The following LRP5 variants were observed in gnomAD, a reference collection of about 807,000 sequenced individuals.
LRP5 encodes the protein low-density lipoprotein receptor-related protein 5.
LRP5 carries 62 observed loss-of-function variants against 154.1 expected under a neutral mutation model. The ratio of observed to expected loss-of-function variants is 0.40; its 90% confidence interval spans 0.33 to 0.50. The LOEUF is 0.50. Among genes scored for constraint, LRP5 ranks in the 20% least tolerant of loss-of-function variants. LRP5 has a pLI of 0.55. For synonymous variants in LRP5, 966 were observed against 1,011.5 expected (o/e 0.96, Z 0.85); for missense variants, 1,915 against 2,336.7 (o/e 0.82, Z 3.72).
At chr11:68,409,585 G>A (rs558267414) in intron 9 of LRP5, among the ~76,000 whole-genome samples, 3 of 151,898 alleles carry the variant, frequency 2.0e-5, no homozygotes, top group Admixed American at 2.0e-4. Context: ...GGTGGCTCAC[G>A]CCTGTAATCT....
intron 20 of LRP5, 151 bp from the exon 21 acceptor site, chr11:68,439,626 C>T (rs915440353): frequency 9.1e-5 from 74 of 809,610 alleles, no homozygotes; most frequent in Admixed American, 1.2e-4. Context: ...GAGAGGCCTG[C>T]GGCTCAGGGA....
chr11:68,383,534 T>C (rs1251375909), intron 5 of LRP5, among the ~76,000 whole-genome samples: 1 of 152,210 alleles, frequency 6.6e-6, no homozygotes, highest in Non-Finnish European at 1.5e-5. Context: ...GGCTGATTAT[T>C]CACTGGATGA....
Position 68,348,003 on chromosome 11 carries a change from G to A in LRP5, c.248G>A (p.Ser83Asn). 1.2e-6 allele frequency: 2 copies of A among 1,614,182 alleles called. No individual in the cohort carries two copies. The highest frequency in any genetic ancestry group is 1.1e-5 in the South Asian group (1 of 91,086). ...GGAGCCGTGTACTGGACAGACGTGAGCGAGGAGGCCATCAAGCAGACCTAC... is the reference window on the plus strand; with the variant it reads ...GGAGCCGTGTACTGGACAGACGTGAACGAGGAGGCCATCAAGCAGACCTAC... Reference protein sequence around the residue: ...SKGAVYWTDVSEEAIKQTYLN... With the variant: ...SKGAVYWTDVNEEAIKQTYLN... The change falls in exon 2 of 23, where the codon AGC (serine) becomes AAC (asparagine). Residue 83 changes from serine (S) to asparagine (N), a missense_variant. Physicochemically the swap from Ser to Asn is conservative, Grantham distance 46 (BLOSUM62 1). Around this residue, in one of 3 missense-constraint regions of LRP5, gnomAD observed 773 missense variants for 1,100.9 expected, o/e 0.70. Transcript: ENST00000294304.
chr11:68,395,426 C>T (rs1197904153), intron 7 of LRP5, among the ~76,000 whole-genome samples: 2 of 151,868 alleles, frequency 1.3e-5, no homozygotes, highest in East Asian at 1.9e-4. Context: ...CATTACCTGA[C>T]GATTTGGAGC....
At chr11:68,305,012 G>T in the LRP5 span, among the ~76,000 whole-genome samples, 26 of 152,114 alleles carry the variant, frequency 1.7e-4, no homozygotes, top group Non-Finnish European at 3.1e-4. Flanking sequence ...GGGCTACTGG[G>T]AAGGCATGAC....
chr11:68,402,408 GCTA>G (rs1460975536), intron 7 of LRP5, among the ~76,000 whole-genome samples: 35 of 152,272 alleles, frequency 2.3e-4, no homozygotes, highest in Non-Finnish European at 4.3e-4. Flanking sequence ...ATATTTAGCT[GCTA>G]CATCTCAGAG....
chr11:68,365,542 C>T (rs1565348523), intron 4 of LRP5, 29 bp from the exon 5 acceptor site: 1 of 1,613,552 alleles, frequency 6.2e-7, no homozygotes, highest in African/African-American at 1.3e-5. Context: ...CTTCTGGAAC[C>T]TTCTCTCACT....
At chr11:68,369,235 G>T (rs1015424017) in intron 5 of LRP5, among the ~76,000 whole-genome samples, 1 of 152,170 alleles carries the variant, frequency 6.6e-6, no homozygotes, top group Admixed American at 6.5e-5. Flanking sequence ...TCTGAGTCTT[G>T]CTGCTGTGGG....
At chr11:68,360,427 G>T (rs2098626859) in intron 3 of LRP5, among the ~76,000 whole-genome samples, 1 of 152,226 alleles carries the variant, frequency 6.6e-6, no homozygotes, top group East Asian at 1.9e-4. Context: ...TCCAGGTCTG[G>T]TCTGTTCTCA....
intron 5 of LRP5, among the ~76,000 whole-genome samples, chr11:68,373,389 C>CG (rs138313299): frequency 0.17 from 26,029 of 151,592 alleles, 2,333 homozygotes; most frequent in Non-Finnish European, 0.19. Context: ...GCGTTGGTGG[C>CG]GGGGGGGGCC....
At position 68,359,854 on chromosome 11, in the gene LRP5, T is replaced by C. The variant is rs577793644; in HGVS notation, c.686+2007T>C. Among the ~76,000 whole-genome samples the C allele has an allele frequency of 5.9e-5, 9 of 151,792 alleles. No individual in the cohort carries two copies. In the South Asian group the frequency reaches 1.9e-3, roughly 32 times the overall value. ...CTGGCTGGAGTGCAGCGGCACCATC[T>C]TGGCTAACTACAACCTCCACCTCCC... On this transcript the variant is annotated intron_variant, in intron 3 of 22. Transcript: ENST00000294304.
chr11:68,316,367 G>A (rs2098593396), intron 1 of LRP5, among the ~76,000 whole-genome samples: 1 of 152,240 alleles, frequency 6.6e-6, no homozygotes, highest in Non-Finnish European at 1.5e-5. Context: ...TGCCTCCTGG[G>A]TTTAAGTGAT....
At chr11:68,387,887 G>T (rs887716596) in intron 6 of LRP5, among the ~76,000 whole-genome samples, 21 of 152,228 alleles carry the variant, frequency 1.4e-4, no homozygotes, top group African/African-American at 4.3e-4. Flanking sequence ...GAAGTAACTT[G>T]CCCAGGGCAC....
Position 68,423,413 on chromosome 11 carries a change from G to T in LRP5, c.3028-76G>T. 7.1e-7 allele frequency: 1 copy of T among 1,402,610 alleles called. No individual in the cohort carries two copies. The highest frequency in any genetic ancestry group is 1.0e-6 in the Non-Finnish European group (1 of 988,866). 86.9% of individuals were successfully genotyped at this position (1,402,610 alleles called of 1,614,324 possible). A position where few individuals can be genotyped will look rare whatever the true frequency, so the allele number is the denominator to read the frequency against. ...TCTCCACCAGTGCCCGGGGGTCTCC[G>T]CCAGTGCCAGGGGTCTCCGCCAGTG... On this transcript the variant is annotated intron_variant, in intron 13 of 22. Coordinates refer to ENST00000294304, the MANE Select transcript of LRP5 (RefSeq NM_002335.4). This position sits in a 1 kb window ranked among gnomAD's most constrained non-coding sequence, Gnocchi z 4.7.
intron 6 of LRP5, among the ~76,000 whole-genome samples, chr11:68,387,902 C>T (rs769060794): frequency 1.8e-4 from 27 of 152,186 alleles, no homozygotes; most frequent in African/African-American, 5.5e-4. Flanking sequence ...GGGCACCCGT[C>T]GGGCAGCGGC....
chr11:68,441,698 A>G (rs903757969), intron 21 of LRP5, among the ~76,000 whole-genome samples: 3 of 152,212 alleles, frequency 2.0e-5, no homozygotes, highest in Non-Finnish European at 4.4e-5. Flanking sequence ...GATCTTAATC[A>G]GGCAATAAGA....
At chr11:68,307,406 T>G in the LRP5 span, among the ~76,000 whole-genome samples, 1 of 152,170 alleles carries the variant, frequency 6.6e-6, no homozygotes, top group Non-Finnish European at 1.5e-5. Flanking sequence ...GGCTCATACC[T>G]ATAATCCTAG....
rs1305908932 is a variant in LRP5, at chr11:68,413,424, C to T, written c.2504-265C>T. ...ACAGCCAGGCCTGACATGATGAGAA[C>T]AAGAACCTGGAGTCTCGCTGCCTGG... On this transcript the variant is annotated intron_variant, in intron 11 of 22. Coordinates refer to ENST00000294304, the MANE Select transcript of LRP5 (RefSeq NM_002335.4). The surrounding 1 kb of genome is among the most constrained non-coding windows in gnomAD (Gnocchi z 5.1). Among the ~76,000 whole-genome samples, 1 of 152,188 alleles carries T rather than the reference C, an allele frequency of 6.6e-6. No individual in the cohort carries two copies. Among genetic ancestry groups the T allele is most frequent in the East Asian group, 1.9e-4 (1 of 5,206 alleles).
chr11:68,380,608 C>G (rs543963097), intron 5 of LRP5, among the ~76,000 whole-genome samples: 3 of 152,220 alleles, frequency 2.0e-5, no homozygotes, highest in Non-Finnish European at 4.4e-5. Context: ...GCTGCACGCA[C>G]GGCGGGCTGT....
Sources: allele counts gnomAD v4.1 joint callset (sites outside exome capture counted in the v4.1 genomes callset), GRCh38; gene constraint gnomAD v4.1.1; regional missense constraint gnomAD v4.1.1; non-coding constraint Gnocchi (gnomAD v3.1); transcripts MANE v1.5; gene names NCBI Gene and HGNC (gene_info 2026-07-23, HGNC 2026-07-21).